Variants in PLPPR3 observed in about 807,000 individuals in gnomAD.
PLPPR3 encodes phospholipid phosphatase-related protein type 3.
PLPPR3 carries 14 observed loss-of-function variants against 27.3 expected under a neutral mutation model. That is an observed-to-expected ratio of 0.51 (90% CI 0.34 to 0.80). PLPPR3 has a LOEUF of 0.80. Among genes scored for constraint, PLPPR3 ranks in the 30% least tolerant of loss-of-function variants. The pLI, the probability that PLPPR3 is intolerant of heterozygous loss-of-function variation, is 0.01. For missense variants in PLPPR3, 1,287 were observed against 1,056.9 expected (o/e 1.22, Z -3.02); for synonymous variants, 671 against 508.0 (o/e 1.32, Z -4.32).
rs1023978859 is a variant in PLPPR3 at position 813,395 on chromosome 19, T to TTCC, written c.1329_1331dup (p.Glu447dup). 2.0e-6 allele frequency: 3 copies of TTCC among 1,501,550 alleles called. No individual in the cohort carries two copies. The highest frequency in any genetic ancestry group is 2.1e-4 in the Middle Eastern group (1 of 4,832). 93.0% of individuals were successfully genotyped at this position (1,501,550 alleles called of 1,614,324 possible). A position where few individuals can be genotyped will look rare whatever the true frequency, so the allele number is the denominator to read the frequency against. ...CCTCTTCCTCTTCGTCCTCCTCCTC[T>TTCC]TCCTCCTCCTCCGCCATGGGTTCGG... On this transcript the variant is annotated inframe_insertion, in exon 8 of 8. Transcript: ENST00000520876. This position sits in a 1 kb window ranked among gnomAD's most constrained non-coding sequence, Gnocchi z 4.1.
At position 812,757 on chromosome 19, in the gene PLPPR3, G is replaced by T; in HGVS notation, c.1970C>A (p.Ala657Asp). The change falls in exon 8 of 8, where the codon GCC (alanine) becomes GAC (aspartate). Residue 657 changes from alanine to aspartate, a missense_variant. Coordinates refer to ENST00000520876, the MANE Select transcript of PLPPR3 (RefSeq NM_001270366.2). The part of the protein sequence containing the change: ...DQEEPRFGAV[A>D]TVNLATGEGL... ...CTCGCCCGTGGCCAGGTTGACGGTG[G>T]CCACGGCCCCGAACCGCGGCTCCTC... 1 of 1,076,152 alleles carries T rather than the reference G, an allele frequency of 9.3e-7. No individual in the cohort carries two copies. The highest frequency in any genetic ancestry group is 1.1e-6 in the Non-Finnish European group (1 of 887,668). 66.7% of individuals were successfully genotyped at this position (1,076,152 alleles called of 1,614,324 possible).
At chr19:821,463 C>T (rs1471477962) in intron 2 of PLPPR3, 22 bp downstream of exon 2, 2 of 1,502,302 alleles carry the variant, frequency 1.3e-6, no homozygotes, top group South Asian at 1.3e-5. Flanking sequence ...CTCCCCCGGG[C>T]CCCAGCGCGA....
Sources: allele counts gnomAD v4.1 joint callset, GRCh38; gene constraint gnomAD v4.1.1; non-coding constraint Gnocchi (gnomAD v3.1); transcripts MANE v1.5; gene names NCBI Gene and HGNC (gene_info 2026-07-23, HGNC 2026-07-21).